Variants in SSBP2 observed in about 807,000 individuals in gnomAD.
SSBP2 encodes the protein single stranded DNA binding protein 2, also known as single-stranded DNA-binding protein 2.
A neutral mutation model predicts 61.8 loss-of-function variants in SSBP2; 17 were observed. The ratio of observed to expected loss-of-function variants is 0.28; its 90% confidence interval spans 0.19 to 0.41. The LOEUF (loss-of-function observed/expected upper bound fraction) is 0.41, where lower values mean the gene tolerates loss of function less well. SSBP2 is among the 10% of genes least tolerant of loss of function. The pLI is 1.00. For missense variants in SSBP2, 310 were observed against 458.7 expected (o/e 0.68, Z 2.96); for synonymous variants, 139 against 141.3 (o/e 0.98, Z 0.12).
At chr5:81,592,560 C>T (rs200083876) in intron 4 of SSBP2, among the ~76,000 whole-genome samples, 1 of 152,220 alleles carries the variant, frequency 6.6e-6, no homozygotes, top group African/African-American at 2.4e-5. Context: ...GGGTCCCTGA[C>T]CCCTGAGTAG....
chr5:81,574,969 A>C (rs2153455717), intron 4 of SSBP2, among the ~76,000 whole-genome samples: 1 of 152,350 alleles, frequency 6.6e-6, no homozygotes, highest in South Asian at 2.1e-4. Context: ...GAAAGAGAAT[A>C]CTTGGAGAAG....
chr5:81,464,463 A>G (rs1764759494), intron 9 of SSBP2, among the ~76,000 whole-genome samples: 1 of 152,204 alleles, frequency 6.6e-6, no homozygotes, highest in Admixed American at 6.5e-5. Context: ...GTGACACAAT[A>G]TAATTTATCC....
chr5:81,527,729 C>A (rs2154101159), intron 4 of SSBP2, among the ~76,000 whole-genome samples: 1 of 151,572 alleles, frequency 6.6e-6, no homozygotes, highest in East Asian at 2.0e-4. Flanking sequence ...CACACTGGGG[C>A]CTGTCAGAGG....
intron 1 of SSBP2, among the ~76,000 whole-genome samples, chr5:81,672,573 CTTT>C (rs765466355): frequency 2.2e-5 from 3 of 138,646 alleles, no homozygotes; most frequent in Non-Finnish European, 1.6e-5. Context: ...GATACTTTTT[CTTT>C]TTTTTTTTTT....
rs1351307686 is a variant in SSBP2 at position 81,681,909 on chromosome 5, AAAG to A, written c.63-31573_63-31571del. ...ATCACTACAGATCCCATGGATATTA[AAAG>A]AATAATAAATACTATGAACACCTCT... On this transcript the variant is annotated intron_variant, in intron 1 of 16. Coordinates refer to ENST00000320672, the MANE Select transcript of SSBP2 (RefSeq NM_012446.5). 3.9e-5 allele frequency among the ~76,000 whole-genome samples: 6 copies of A among 152,312 alleles called. 1 individual carries two copies. The highest frequency in any genetic ancestry group is 2.0e-4 in the Admixed American group (3 of 15,290).
At chr5:81,459,147 T>G (rs1764366291) in intron 10 of SSBP2, among the ~76,000 whole-genome samples, 1 of 152,194 alleles carries the variant, frequency 6.6e-6, no homozygotes, top group Admixed American at 6.5e-5. Context: ...TCTCAGGGTC[T>G]AAAATAATGC....
At position 81,615,575 on chromosome 5, in the gene SSBP2, G is replaced by A. The variant is rs1745930223; in HGVS notation, c.198-18C>T. On this transcript the variant is annotated intron_variant, in intron 3 of 16. Transcript: ENST00000320672. ...AAAATACACTAAAAAAGTAATCATG[G>A]TAACATTAAGAAAATCATACAACAC... is the stretch of plus-strand genomic sequence containing the variant. 1 of 1,541,176 alleles carries A rather than the reference G, an allele frequency of 6.5e-7. No individual in the cohort carries two copies. Among genetic ancestry groups the A allele is most frequent in the Non-Finnish European group, 8.9e-7 (1 of 1,118,596 alleles).
intron 1 of SSBP2, among the ~76,000 whole-genome samples, chr5:81,725,420 T>C (rs1419447841): frequency 6.6e-6 from 1 of 152,138 alleles, no homozygotes; most frequent in Non-Finnish European, 1.5e-5. Flanking sequence ...AGTGAGAATG[T>C]ACACTAGTAC....
chr5:81,548,067 T>C (rs960406568), intron 4 of SSBP2, among the ~76,000 whole-genome samples: 2 of 152,098 alleles, frequency 1.3e-5, no homozygotes, highest in Non-Finnish European at 2.9e-5. Context: ...AATAAAAAAT[T>C]ATTGCTAAAA....
At chr5:81,589,874 GGAGA>G (rs151202879) in intron 4 of SSBP2, among the ~76,000 whole-genome samples, 6 of 150,590 alleles carry the variant, frequency 4.0e-5, no homozygotes, top group African/African-American at 1.2e-4. Flanking sequence ...GGTGAGAGAG[GGAGA>G]GAGAGAGAGA....
intron 2 of SSBP2, among the ~76,000 whole-genome samples, chr5:81,646,535 G>A (rs1308989180): frequency 6.6e-6 from 1 of 150,948 alleles, no homozygotes; most frequent in Non-Finnish European, 1.5e-5. Flanking sequence ...CAAATTTTCT[G>A]CCTGATCGAA....
intron 13 of SSBP2, 145 bp downstream of exon 13, chr5:81,442,508 C>G: frequency 1.9e-6 from 1 of 526,944 alleles, no homozygotes; most frequent in South Asian, 3.0e-5. Flanking sequence ...TAACCCAGCT[C>G]AGAGAAAAGA....
At chr5:81,544,677 A>C (rs896785985) in intron 4 of SSBP2, among the ~76,000 whole-genome samples, 10 of 152,228 alleles carry the variant, frequency 6.6e-5, no homozygotes, top group South Asian at 2.1e-4. Flanking sequence ...GGGGAAAAAA[A>C]CAGAAAAATA....
chr5:81,741,725 T>C (rs1447754955), intron 1 of SSBP2, among the ~76,000 whole-genome samples: 2 of 152,204 alleles, frequency 1.3e-5, no homozygotes, highest in East Asian at 3.8e-4. Flanking sequence ...CTAAGTCCCG[T>C]ACCTATCCAC....
rs1231951249 is a variant in SSBP2 at position 81,542,827 on chromosome 5, C to CTCTCTCTCTT, written c.283-29111_283-29110insAAGAGAGAGA. Among the ~76,000 whole-genome samples, 162 of 134,334 alleles carry CTCTCTCTCTT rather than the reference C, an allele frequency of 1.2e-3. 3 individuals are homozygous for CTCTCTCTCTT. Among genetic ancestry groups the CTCTCTCTCTT allele is most frequent in the Middle Eastern group, 7.6e-3 (2 of 262 alleles). The allele number at this position is 134,334 out of a possible 152,430, so 88.1% of individuals were successfully genotyped here. On this transcript the variant is annotated intron_variant, in intron 4 of 16. Transcript: ENST00000320672. ...TAAGTATTTGACAGTTTCTCTCTCT[C>CTCTCTCTCTT]TCTCTCTCTCTCTCTCTCTCTCTCT...
At chr5:81,676,663 C>G (rs528437597) in intron 1 of SSBP2, among the ~76,000 whole-genome samples, 8 of 152,272 alleles carry the variant, frequency 5.3e-5, no homozygotes, top group Non-Finnish European at 7.4e-5. Flanking sequence ...AACCGTGAAG[C>G]CTTTCCTAAC....
chr5:81,736,998 C>G (rs1169720447), intron 1 of SSBP2, among the ~76,000 whole-genome samples: 1 of 152,052 alleles, frequency 6.6e-6, no homozygotes, highest in African/African-American at 2.4e-5. Context: ...TCCTACAATT[C>G]AGAAAGTTTT....
intron 1 of SSBP2, among the ~76,000 whole-genome samples, chr5:81,701,171 G>A (rs946867145): frequency 2.8e-4 from 43 of 152,168 alleles, no homozygotes; most frequent in African/African-American, 9.9e-4. Flanking sequence ...GCCATTGTAG[G>A]TTATTAATTG....
intron 14 of SSBP2, 160 bp from the exon 15 acceptor site, chr5:81,437,618 T>G (rs1762754096): frequency 1.8e-6 from 1 of 569,338 alleles, no homozygotes; most frequent in African/African-American, 1.9e-5. Context: ...TTATACAGTA[T>G]AGTGAATCAG....
Sources: allele counts gnomAD v4.1 joint callset (sites outside exome capture counted in the v4.1 genomes callset), GRCh38; gene constraint gnomAD v4.1.1; transcripts MANE v1.5; gene names NCBI Gene and HGNC (gene_info 2026-07-23, HGNC 2026-07-21).